Variants in CTNNA2 observed in about 807,000 individuals in gnomAD.
The protein encoded by CTNNA2 is catenin alpha 2.
In CTNNA2, 42 loss-of-function variants were observed where a neutral mutation model predicts 101.0. The observed-to-expected ratio is 0.42, with a 90% CI of 0.32 to 0.54. The LOEUF (loss-of-function observed/expected upper bound fraction) is 0.54, where lower values mean the gene tolerates loss of function less well. Ranked by LOEUF, CTNNA2 falls within the 20% of genes least tolerant of loss-of-function variation. The probability of loss-of-function intolerance (pLI) is 0.14; values close to 1 mark genes in which losing one functional copy is unlikely to be tolerated. For synonymous variants in CTNNA2, 450 were observed against 456.4 expected (o/e 0.99, Z 0.18); for missense variants, 871 against 1,223.1 (o/e 0.71, Z 4.29).
intron 2 of CTNNA2, among the ~76,000 whole-genome samples, chr2:79,695,464 C>T (rs150427296): frequency 6.6e-6 from 1 of 151,876 alleles, no homozygotes; most frequent in African/African-American, 2.4e-5. Context: ...TATACATATT[C>T]AATAAACTAT....
At chr2:80,539,892 C>G (rs931144167) in intron 9 of CTNNA2, among the ~76,000 whole-genome samples, 5 of 152,140 alleles carry the variant, frequency 3.3e-5, no homozygotes, top group Non-Finnish European at 5.9e-5. Context: ...TTCTAAGCTT[C>G]CAGGAAGGCG....
intron 7 of CTNNA2, among the ~76,000 whole-genome samples, chr2:79,953,933 A>C (rs1689048987): frequency 6.6e-6 from 1 of 152,182 alleles, no homozygotes; most frequent in Non-Finnish European, 1.5e-5. Context: ...CCAGAATATT[A>C]TGAAGTAATA....
At chr2:80,572,796 A>G (rs1694709272) in intron 12 of CTNNA2, 1 of 152,208 alleles carries the variant, frequency 6.6e-6, no homozygotes, top group Non-Finnish European at 1.5e-5. Flanking sequence ...AAATTCAAGT[A>G]ATATAGAGAA....
chr2:79,588,634 A>G (rs531538107), intron 1 of CTNNA2, among the ~76,000 whole-genome samples: 76 of 152,280 alleles, frequency 5.0e-4, no homozygotes, highest in Admixed American at 9.8e-4. Flanking sequence ...TTTTTGAAAT[A>G]AATAATTGTA....
intron 18 of CTNNA2, among the ~76,000 whole-genome samples, chr2:80,645,080 T>G (rs1472423310): frequency 1.3e-5 from 2 of 152,184 alleles, no homozygotes. Flanking sequence ...AAGAGCAATA[T>G]CATCTTGTTC....
chr2:80,503,886 T>C (rs1173147476), intron 9 of CTNNA2, among the ~76,000 whole-genome samples: 1 of 152,054 alleles, frequency 6.6e-6, no homozygotes, highest in African/African-American at 2.4e-5. Context: ...GGGGCTGAAC[T>C]GAAAAGAGAA....
chr2:79,629,373 T>A (rs1164642862), intron 1 of CTNNA2, among the ~76,000 whole-genome samples: 3 of 152,242 alleles, frequency 2.0e-5, no homozygotes, highest in African/African-American at 7.2e-5. Context: ...TCAGGCTTTT[T>A]GATCTTGGCC....
intron 7 of CTNNA2, among the ~76,000 whole-genome samples, chr2:79,939,693 A>G (rs757035826): frequency 2.6e-5 from 4 of 152,246 alleles, no homozygotes; most frequent in Non-Finnish European, 4.4e-5. Flanking sequence ...GTCTAGATAC[A>G]TGTAAACATC....
chr2:79,681,574 G>C (rs1256719080), intron 2 of CTNNA2, among the ~76,000 whole-genome samples: 7 of 152,226 alleles, frequency 4.6e-5, no homozygotes, highest in Admixed American at 4.6e-4. Flanking sequence ...GTCCACAAGT[G>C]TTATTAGTGC....
At chr2:79,840,951 A>C (rs2103841461) in intron 3 of CTNNA2, among the ~76,000 whole-genome samples, 1 of 152,178 alleles carries the variant, frequency 6.6e-6, no homozygotes. Flanking sequence ...TTGTATTTTT[A>C]GTAGAGACGG....
chr2:80,456,780 A>G (rs1345615690), intron 9 of CTNNA2, among the ~76,000 whole-genome samples: 1 of 152,126 alleles, frequency 6.6e-6, no homozygotes, highest in East Asian at 1.9e-4. Flanking sequence ...ATTAGATGAG[A>G]AAAGGTACAT....
At position 80,608,140 on chromosome 2, in the gene CTNNA2, G is replaced by A. The variant is rs375306779; in HGVS notation, c.2296-44G>A. On this transcript the variant is annotated intron_variant, in intron 16 of 18. Coordinates refer to ENST00000402739, the MANE Select transcript of CTNNA2 (RefSeq NM_001282597.3). ...TTTTCTATAACAAATGTTAGAAACTGAAGAGTACTTACTAATCAAGATCAC... is the reference window on the plus strand; with the variant it reads ...TTTTCTATAACAAATGTTAGAAACTAAAGAGTACTTACTAATCAAGATCAC... 1.6e-5 allele frequency: 24 copies of A among 1,543,974 alleles called. No homozygotes were observed. The African/African-American group carries it at 2.4e-4, about 16-fold the overall frequency.
At chr2:79,521,727 G>T (rs1281973587) in intron 1 of CTNNA2, among the ~76,000 whole-genome samples, 1 of 152,108 alleles carries the variant, frequency 6.6e-6, no homozygotes, top group Non-Finnish European at 1.5e-5. Context: ...TCAGGTTTTG[G>T]CAAGAGGTTG....
At chr2:80,560,184 C>T (rs1693456212) in intron 12 of CTNNA2, among the ~76,000 whole-genome samples, 1 of 152,028 alleles carries the variant, frequency 6.6e-6, no homozygotes. Flanking sequence ...ATAATTTTTA[C>T]TTCCATGCTC....
In CTNNA2 at chr2:80,303,168, G is replaced by T. The variant is rs748585296; in HGVS notation, c.1057-90043G>T. ...AAGTTCACCTTGACCAAGTCGTTGT[G>T]CTCGAGGTGCAGCTCGGTGAGCTTA... is the stretch of plus-strand genomic sequence containing the variant. On this transcript the variant is annotated intron_variant, in intron 7 of 18. Coordinates refer to ENST00000402739, the MANE Select transcript of CTNNA2 (RefSeq NM_001282597.3). The surrounding 1 kb of genome is among the most constrained non-coding windows in gnomAD (Gnocchi z 7.7). 3 of 1,614,098 alleles carry T rather than the reference G, an allele frequency of 1.9e-6. No homozygotes were observed. The highest frequency in any genetic ancestry group is 2.5e-6 in the Non-Finnish European group (3 of 1,179,998).
At chr2:79,743,615 C>T (rs1671448700) in intron 2 of CTNNA2, among the ~76,000 whole-genome samples, 1 of 151,354 alleles carries the variant, frequency 6.6e-6, no homozygotes, top group Non-Finnish European at 1.5e-5. Context: ...TTAACTGCAA[C>T]CTCTGCCTCC....
intron 7 of CTNNA2, among the ~76,000 whole-genome samples, chr2:79,916,751 T>C (rs113788680): frequency 1.3e-5 from 2 of 151,624 alleles, no homozygotes. Flanking sequence ...GCCTCCCGAG[T>C]AGCTGGGACT....
chr2:80,264,474 A>G lies in CTNNA2; in HGVS notation c.1057-128737A>G, dbSNP rs147689341. 1.3e-3 allele frequency among the ~76,000 whole-genome samples: 202 copies of G among 152,234 alleles called. 1 individual carries two copies. Among genetic ancestry groups the G allele is most frequent in the East Asian group, 2.9e-3 (15 of 5,166 alleles). ...AAGTTATTTCATGCCCAATATTCAT[A>G]TATTTCTCCATTTGATTTTGACTGC... On this transcript the variant is annotated intron_variant, in intron 7 of 18. Coordinates refer to ENST00000402739, the MANE Select transcript of CTNNA2 (RefSeq NM_001282597.3).
At chr2:79,794,978 G>T (rs936263670) in intron 3 of CTNNA2, among the ~76,000 whole-genome samples, 1 of 152,228 alleles carries the variant, frequency 6.6e-6, no homozygotes, top group African/African-American at 2.4e-5. Flanking sequence ...TACAACTGGA[G>T]GCCTACCTAC....
Sources: allele counts gnomAD v4.1 joint callset (sites outside exome capture counted in the v4.1 genomes callset), GRCh38; gene constraint gnomAD v4.1.1; non-coding constraint Gnocchi (gnomAD v3.1); transcripts MANE v1.5; gene names NCBI Gene and HGNC (gene_info 2026-07-23, HGNC 2026-07-21).